The following M1AP variants were observed in gnomAD, a reference collection of about 807,000 sequenced individuals.
M1AP encodes the protein meiosis 1 associated protein, also known as meiosis 1 arrest protein.
Under a neutral mutation model 51.2 loss-of-function variants are expected in M1AP, and 39 were observed. That is an observed-to-expected ratio of 0.76 (90% CI 0.59 to 1.00). M1AP has a LOEUF of 1.00. M1AP is among the 50% of genes least tolerant of loss of function. The pLI is 0.00. For missense variants in M1AP, 545 were observed against 641.2 expected, an observed-to-expected ratio of 0.85 and a Z score of 1.62; for synonymous variants, 251 against 249.2, an observed-to-expected ratio of 1.01 and a Z score of -0.07.
intron 8 of M1AP, among the ~76,000 whole-genome samples, chr2:74,561,184 A>C (rs1248951997): frequency 4.7e-5 from 1 of 21,258 alleles, no homozygotes; most frequent in Non-Finnish European, 1.4e-4. Flanking sequence ...GGAGGAGGAG[A>C]AGGAGGAGGA....
At chr2:74,564,012 C>T (rs1397527034) in intron 7 of M1AP, among the ~76,000 whole-genome samples, 1 of 152,080 alleles carries the variant, frequency 6.6e-6, no homozygotes, top group African/African-American at 2.4e-5. Context: ...TGGTACAAAC[C>T]GTAACAACCT....
chr2:74,630,702 T>C (rs1252472215), intron 2 of M1AP, among the ~76,000 whole-genome samples: 2 of 151,560 alleles, frequency 1.3e-5, no homozygotes, highest in Non-Finnish European at 2.9e-5. Context: ...ATGGTGTGTA[T>C]GTACCACATT....
rs1677773464 is a variant in M1AP at position 74,559,698 on chromosome 2, CT to C, written c.1433del (p.Lys478ArgfsTer19). On this transcript the variant is annotated frameshift_variant and splice_region_variant, in exon 10 of 11. Transcript: ENST00000421985. LOFTEE classifies it low-confidence loss of function (END_TRUNC). ...CATCTGTAAATGAGCAAACACTTAC[CT>C]TGCAGGGATGCTGTGAGGATTAAAT... ...ESRAPRKHPC[K>X]TGQLQTNRAR... The C allele has an allele frequency of 1.4e-6, 1 of 718,490 alleles. No homozygotes were observed. Among genetic ancestry groups the C allele is most frequent in the South Asian group, 1.5e-5 (1 of 67,586 alleles). 44.5% of individuals were successfully genotyped at this position (718,490 alleles called of 1,614,324 possible).
At chr2:74,621,923 C>A (rs1174410745) in intron 2 of M1AP, among the ~76,000 whole-genome samples, 1 of 145,640 alleles carries the variant, frequency 6.9e-6, no homozygotes, top group Non-Finnish European at 1.5e-5. Context: ...GCCTGGCCAA[C>A]ATGGTGAAAC....
At chr2:74,606,617 T>A (rs1573133733) in intron 4 of M1AP, among the ~76,000 whole-genome samples, 2 of 152,018 alleles carry the variant, frequency 1.3e-5, no homozygotes, top group Non-Finnish European at 2.9e-5. Flanking sequence ...TATATATATA[T>A]AAAAGAATGT....
chr2:74,570,605 T>C (rs1177543194), intron 7 of M1AP, among the ~76,000 whole-genome samples: 2 of 152,144 alleles, frequency 1.3e-5, no homozygotes, highest in African/African-American at 4.8e-5. Flanking sequence ...AGAAGTACCA[T>C]TTGAGTTTGG....
Position 74,624,798 on chromosome 2 carries a change from A to G in M1AP, c.241-9649T>C, listed in dbSNP as rs192134267. Among the ~76,000 whole-genome samples the G allele has an allele frequency of 3.9e-5, 6 of 152,316 alleles. No homozygotes were observed. The East Asian group carries it at 1.2e-3, about 29-fold the overall frequency. ...TTGAGCAATCATTTCACATCATTAT[A>G]GAGTATTCCATTAATGGATGAACCG... On this transcript the variant is annotated intron_variant, in intron 2 of 10. Coordinates refer to ENST00000421985, the MANE Select transcript of M1AP (RefSeq NM_001321739.2).
rs375562857 is a variant in M1AP, at chr2:74,615,100, C to T, written c.290G>A (p.Arg97His). Residue 97 changes from arginine (R) to histidine (H), a missense_variant, in exon 3 of 11, where the codon CGC (arginine) becomes CAC (histidine). Arg to His is a conservative substitution (Grantham distance 29, BLOSUM62 0). Coordinates refer to ENST00000421985, the MANE Select transcript of M1AP (RefSeq NM_001321739.2). ...ARLQTCISEL[R>H]MLQREGCFRS... ...GAAACACCCTTCTCTCTGTAACATG[C>T]GGAGTTCTGAGATGCAGGTCTGCAA... 9.9e-6 allele frequency: 16 copies of T among 1,614,028 alleles called. No individual in the cohort carries two copies. Among genetic ancestry groups the T allele is most frequent in the African/African-American group, 5.3e-5 (4 of 74,920 alleles).
chr2:74,561,815 C>T, intron 8 of M1AP: 36 of 886,802 alleles, frequency 4.1e-5, no homozygotes, highest in Non-Finnish European at 4.9e-5. Context: ...CCCTGCCTCC[C>T]TGTGCCCTGG....
intron 7 of M1AP, among the ~76,000 whole-genome samples, chr2:74,570,167 C>A (rs1192335724): frequency 6.6e-6 from 1 of 152,026 alleles, no homozygotes; most frequent in Non-Finnish European, 1.5e-5. Flanking sequence ...GATGAATACA[C>A]CAATACTTAG....
chr2:74,584,830 TTTA>T (rs1218825909), intron 4 of M1AP, among the ~76,000 whole-genome samples: 3 of 140,420 alleles, frequency 2.1e-5, no homozygotes, highest in Non-Finnish European at 3.1e-5. Flanking sequence ...ATATATATAT[TTTA>T]TTATTATTTT....
intron 7 of M1AP, among the ~76,000 whole-genome samples, chr2:74,564,119 A>G (rs1249521738): frequency 6.6e-6 from 1 of 152,230 alleles, no homozygotes; most frequent in East Asian, 1.9e-4. Flanking sequence ...AAAAGGGGGA[A>G]AAGATTTTTA....
Position 74,562,305 on chromosome 2 carries a change from T to C in M1AP, c.1193A>G (p.Lys398Arg), listed in dbSNP as rs1678073701. The C allele has an allele frequency of 6.2e-7, 1 of 1,614,102 alleles. No homozygotes were observed. The highest frequency in any genetic ancestry group is 1.3e-5 in the African/African-American group (1 of 74,938). ...CATCAGTTCCCGCGTGGCCACCGCC[T>C]TTACCAGCAGTGTGAGGGAGTGTGA... ...MPSHSLTLLV[K>R]AVATRELMLP... Residue 398 changes from lysine (K) to arginine (R), a missense_variant, in exon 8 of 11, where the codon AAG becomes AGG. By Grantham distance (26) the Lys-to-Arg change is conservative (BLOSUM62 2). Transcript: ENST00000421985.
rs775476282 is a variant in M1AP, at chr2:74,602,958, A to G, written c.595+4097T>C. Among the ~76,000 whole-genome samples, 4 of 152,268 alleles carry G rather than the reference A, an allele frequency of 2.6e-5. 1 individual carries two copies. Among genetic ancestry groups the G allele is most frequent in the African/African-American group, 4.8e-5 (2 of 41,476 alleles). ...CTCTAAGCTCTATGCAATTAGAGACATAACAAGTTCTTTCTGGTGACAGTC... is the reference window on the plus strand; with the variant it reads ...CTCTAAGCTCTATGCAATTAGAGACGTAACAAGTTCTTTCTGGTGACAGTC... On this transcript the variant is annotated intron_variant, in intron 4 of 10. Transcript: ENST00000421985.
At chr2:74,564,032 A>G (rs1171495551) in intron 7 of M1AP, among the ~76,000 whole-genome samples, 1 of 152,242 alleles carries the variant, frequency 6.6e-6, no homozygotes, top group African/African-American at 2.4e-5. Context: ...TCCCTGCTAC[A>G]TAAGATAGAA....
intron 3 of M1AP, among the ~76,000 whole-genome samples, chr2:74,613,712 A>G (rs1444369864): frequency 2.6e-5 from 4 of 152,194 alleles, no homozygotes; most frequent in Admixed American, 2.6e-4. Context: ...ACCTGTTAAT[A>G]ACAGAGTGCT....
chr2:74,635,104 A>G (rs1250677923), intron 2 of M1AP, among the ~76,000 whole-genome samples: 3 of 152,138 alleles, frequency 2.0e-5, no homozygotes, highest in African/African-American at 7.2e-5. Context: ...CAATAAAACC[A>G]CCTGGGTCTG....
chr2:74,610,637 G>A (rs745661832), intron 3 of M1AP, among the ~76,000 whole-genome samples: 13 of 151,860 alleles, frequency 8.6e-5, no homozygotes, highest in East Asian at 5.8e-4. Context: ...AGTTTTTTTC[G>A]TAGTGGCAGG....
rs117165242 is a variant in M1AP, at chr2:74,633,122, G to A, written c.240+6914C>T. 2.4e-4 allele frequency among the ~76,000 whole-genome samples: 37 copies of A among 152,180 alleles called. No homozygotes were observed. The East Asian group carries it at 6.0e-3, about 25-fold the overall frequency. ...ACTTCCAGCTGGCTTTGGTCAATGG[G>A]AGGCACCAGCAGGAGATCTGCATGT... On this transcript the variant is annotated intron_variant, in intron 2 of 10. Coordinates refer to ENST00000421985, the MANE Select transcript of M1AP (RefSeq NM_001321739.2).
Sources: gnomAD v4.1 joint callset for allele counts (sites outside exome capture counted in the v4.1 genomes callset) on GRCh38, gnomAD v4.1.1 for gene constraint, MANE v1.5 for transcripts, NCBI Gene and HGNC (gene_info 2026-07-23, HGNC 2026-07-21) for gene names.